HSPBAP1: variants seen among roughly 807,000 people sequenced by gnomAD.
HSPBAP1 encodes HSPB1 associated protein 1, also known as HSPB1-associated protein 1.
A neutral mutation model predicts 45.2 loss-of-function variants in HSPBAP1; 27 were observed. The observed-to-expected ratio is 0.60, with a 90% CI of 0.44 to 0.82. The LOEUF (loss-of-function observed/expected upper bound fraction) is 0.82. Among genes scored for constraint, HSPBAP1 ranks in the 40% least tolerant of loss-of-function variants. The probability of loss-of-function intolerance (pLI) is 0.00; values close to 1 mark genes in which losing one functional copy is unlikely to be tolerated. For missense variants in HSPBAP1, 510 were observed against 590.9 expected, an observed-to-expected ratio of 0.86 and a Z score of 1.42; for synonymous variants, 204 against 202.7, an observed-to-expected ratio of 1.01 and a Z score of -0.06.
intron 2 of HSPBAP1, 133 bp from the exon 3 acceptor site, chr3:122,769,015 G>C (rs775676344): frequency 4.1e-5 from 26 of 633,660 alleles, no homozygotes; most frequent in Middle Eastern, 8.9e-4. Context: ...TGTTGAGCCA[G>C]GTGTGGTGGT....
chr3:122,752,488 T>C, intron 6 of HSPBAP1, 103 bp downstream of exon 6: 1 of 644,372 alleles, frequency 1.6e-6, no homozygotes, highest in Non-Finnish European at 2.6e-6. Flanking sequence ...GAAGCATTGG[T>C]TAAAAAAAAT....
At chr3:122,769,005 T>G in intron 2 of HSPBAP1, 123 bp from the exon 3 acceptor site, 1 of 716,796 alleles carries the variant, frequency 1.4e-6, no homozygotes, top group Non-Finnish European at 2.2e-6. Flanking sequence ...TAAAAATTCG[T>G]GTTGAGCCAG....
intron 2 of HSPBAP1, among the ~76,000 whole-genome samples, chr3:122,776,876 A>G (rs1935207588): frequency 6.6e-6 from 1 of 152,230 alleles, no homozygotes; most frequent in Non-Finnish European, 1.5e-5. Context: ...AGCAGCAGGA[A>G]GCGAAGCTGG....
chr3:122,792,887 AAAAG>A (rs1935879094), intron 1 of HSPBAP1, among the ~76,000 whole-genome samples: 2 of 151,864 alleles, frequency 1.3e-5, no homozygotes, highest in African/African-American at 4.8e-5. Flanking sequence ...GAAAAAAAAA[AAAAG>A]AGAGAAAAGA....
At chr3:122,771,437 G>T (rs1010433714) in intron 2 of HSPBAP1, among the ~76,000 whole-genome samples, 4 of 152,134 alleles carry the variant, frequency 2.6e-5, no homozygotes, top group African/African-American at 4.8e-5. Flanking sequence ...GCTCAACTGA[G>T]GTCAGGATTT....
chr3:122,750,442 T>C (rs1934088581), intron 6 of HSPBAP1, among the ~76,000 whole-genome samples: 1 of 152,216 alleles, frequency 6.6e-6, no homozygotes, highest in Non-Finnish European at 1.5e-5. Context: ...CCCTTAAGCC[T>C]TGTTATGACG....
At position 122,748,393 on chromosome 3, in the gene HSPBAP1, GA is replaced by G. The variant is rs991042936; in HGVS notation, c.825+4197del. 7.3e-4 allele frequency among the ~76,000 whole-genome samples: 73 copies of G among 100,544 alleles called. 1 individual carries two copies. Among genetic ancestry groups the G allele is most frequent in the African/African-American group, 2.8e-3 (71 of 25,074 alleles). The allele number at this position is 100,544 out of a possible 152,430, so 66.0% of individuals were successfully genotyped here. A position where few individuals can be genotyped will look rare whatever the true frequency, so the allele number is the denominator to read the frequency against. The stretch of plus-strand genomic sequence containing the variant: ...GAATGATCAATTAAAAAAAAAAAAA[GA>G]AAAAAAAATTAGATCTCAAACTTAT... On this transcript the variant is annotated intron_variant, in intron 6 of 7. Transcript: ENST00000306103.
rs777616134 is a variant in HSPBAP1 at position 122,740,405 on chromosome 3, C to T, written c.1407G>A (p.Leu469=). 1.2e-6 allele frequency: 2 copies of T among 1,613,724 alleles called. No individual in the cohort carries two copies. Among genetic ancestry groups the T allele is most frequent in the South Asian group, 1.1e-5 (1 of 91,066 alleles). Reference sequence around the variant, plus strand: ...CTATCCTGGTTACTTGTGGATTCACCAAGCAGTCCAGCAAGTCATCCGTAG... The same window carrying T: ...CTATCCTGGTTACTTGTGGATTCACTAAGCAGTCCAGCAAGTCATCCGTAG... ...FISTDDLLDC[L]VNPQVTRIVA... is the part of the protein sequence containing the mutation. Residue 469 remains leucine (L), a synonymous_variant, in exon 8 of 8, where the codon TTG becomes TTA. Transcript: ENST00000306103.
chr3:122,783,742 G>A (rs1235339629), intron 1 of HSPBAP1, among the ~76,000 whole-genome samples: 2 of 151,910 alleles, frequency 1.3e-5, no homozygotes, highest in African/African-American at 4.8e-5. Context: ...GGTTTAACAA[G>A]GTTTGTTTGT....
chr3:122,774,029 G>C (rs1463611022), intron 2 of HSPBAP1, among the ~76,000 whole-genome samples: 2 of 152,180 alleles, frequency 1.3e-5, no homozygotes, highest in Non-Finnish European at 2.9e-5. Flanking sequence ...AATAGAAACC[G>C]CCTTCGTGCA....
At chr3:122,780,844 G>T (rs1439072308) in intron 1 of HSPBAP1, among the ~76,000 whole-genome samples, 1 of 141,810 alleles carries the variant, frequency 7.1e-6, no homozygotes, top group Non-Finnish European at 1.6e-5. Flanking sequence ...CAGACGGGGC[G>T]GCCGGGCAGA....
chr3:122,750,660 G>T (rs1934103644), intron 6 of HSPBAP1, among the ~76,000 whole-genome samples: 1 of 152,072 alleles, frequency 6.6e-6, no homozygotes, highest in African/African-American at 2.4e-5. Flanking sequence ...GTTTCTAAAT[G>T]CCATTTCCTA....
chr3:122,740,081 G>T lies in HSPBAP1; in HGVS notation c.*264C>A. On this transcript the variant is annotated 3_prime_UTR_variant, in exon 8 of 8. Coordinates refer to ENST00000306103, the MANE Select transcript of HSPBAP1 (RefSeq NM_024610.6). ...GCTGAGGAAGACATTACTTCCTGCT[G>T]GAAATACTTGGGACTTACATTTGAC... 4.5e-6 allele frequency: 1 copy of T among 223,250 alleles called. No homozygotes were observed. The highest frequency in any genetic ancestry group is 8.6e-6 in the Non-Finnish European group (1 of 116,488). 13.8% of individuals were successfully genotyped at this position (223,250 alleles called of 1,614,324 possible).
chr3:122,776,229 T>C (rs1560152312), intron 2 of HSPBAP1, among the ~76,000 whole-genome samples: 1 of 152,228 alleles, frequency 6.6e-6, no homozygotes, highest in African/African-American at 2.4e-5. Context: ...TAACAACCAA[T>C]GAATTGCATA....
At position 122,785,840 on chromosome 3, in the gene HSPBAP1, T is replaced by TATAGATAGATAGATAGATAGATAG. The variant is rs60587307; in HGVS notation, c.64+7753_64+7776dup. Among the ~76,000 whole-genome samples, 141 of 151,654 alleles carry TATAGATAGATAGATAGATAGATAG rather than the reference T, an allele frequency of 9.3e-4. 1 individual carries two copies. Among genetic ancestry groups the TATAGATAGATAGATAGATAGATAG allele is most frequent in the African/African-American group, 2.4e-3 (100 of 41,232 alleles). On this transcript the variant is annotated intron_variant, in intron 1 of 7. Transcript: ENST00000306103. ...TTCTTTGCAGACAGGAGTAGCCAAA[T>TATAGATAGATAGATAGATAGATAG]ATAGATAGATAGATAGATAGATAGA...
chr3:122,781,121 G>C (rs1389285841), intron 1 of HSPBAP1, among the ~76,000 whole-genome samples: 5 of 151,882 alleles, frequency 3.3e-5, no homozygotes, highest in African/African-American at 9.7e-5. Flanking sequence ...TGGGCGGCCA[G>C]GCAGAGACGC....
chr3:122,778,995 T>A (rs1481763425), intron 1 of HSPBAP1, among the ~76,000 whole-genome samples: 2 of 152,076 alleles, frequency 1.3e-5, no homozygotes, highest in Admixed American at 1.3e-4. Flanking sequence ...TGTTTGCTTC[T>A]CCATATTGAT....
chr3:122,777,673 G>A (rs756561152), intron 2 of HSPBAP1, 48 bp downstream of exon 2: 16 of 1,346,072 alleles, frequency 1.2e-5, no homozygotes, highest in Non-Finnish European at 1.7e-5. Context: ...TGAGAATGTA[G>A]GGATGCTCCT....
rs1051415375 is a variant in HSPBAP1, at chr3:122,793,769, CT to C, written c.-90del. 7.9e-7 allele frequency: 1 copy of C among 1,260,348 alleles called. No individual in the cohort carries two copies. Among genetic ancestry groups the C allele is most frequent in the African/African-American group, 1.5e-5 (1 of 67,934 alleles). The allele number at this position is 1,260,348 out of a possible 1,614,324, so 78.1% of individuals were successfully genotyped here. ...AGGGGCCAAACTCCGAGACCCGAAGCTGCACCACAGGAAGGAGCCCCGGCGA... is the reference window on the plus strand; with the variant it reads ...AGGGGCCAAACTCCGAGACCCGAAGCGCACCACAGGAAGGAGCCCCGGCGA... On this transcript the variant is annotated 5_prime_UTR_variant, in exon 1 of 8. Transcript: ENST00000306103.
Sources: gnomAD v4.1 joint callset for allele counts (sites outside exome capture counted in the v4.1 genomes callset) on GRCh38, gnomAD v4.1.1 for gene constraint, MANE v1.5 for transcripts, NCBI Gene and HGNC (gene_info 2026-07-23, HGNC 2026-07-21) for gene names.